The following TCF12 variants were observed in gnomAD, a reference collection of about 807,000 sequenced individuals.
TCF12 encodes the protein DNA-binding protein HTF4.
A neutral mutation model predicts 86.0 loss-of-function variants in TCF12; 45 were observed. The ratio of observed to expected loss-of-function variants is 0.52; its 90% confidence interval spans 0.41 to 0.67. TCF12 has a LOEUF of 0.67. Ranked by LOEUF, TCF12 falls within the 30% of genes least tolerant of loss-of-function variation. TCF12 has a pLI of 0.00. For missense variants in TCF12, 881 were observed against 859.9 expected, an observed-to-expected ratio of 1.02 and a Z score of -0.31; for synonymous variants, 330 against 299.6, an observed-to-expected ratio of 1.10 and a Z score of -1.05.
chr15:57,275,936 C>G (rs1238002741), intron 19 of TCF12, among the ~76,000 whole-genome samples: 1 of 152,156 alleles, frequency 6.6e-6, no homozygotes, highest in Non-Finnish European at 1.5e-5. Flanking sequence ...CCTGTCAAAC[C>G]CTAAGTCCCC....
intron 3 of TCF12, among the ~76,000 whole-genome samples, chr15:56,986,145 A>G (rs2063167770): frequency 6.6e-6 from 1 of 152,198 alleles, no homozygotes; most frequent in African/African-American, 2.4e-5. Context: ...CAGTTTTAAA[A>G]AGACATAGCA....
chr15:57,276,484 A>G (rs1234540602), intron 19 of TCF12, among the ~76,000 whole-genome samples: 4 of 152,250 alleles, frequency 2.6e-5, no homozygotes, highest in Admixed American at 1.3e-4. Flanking sequence ...TCGATGGAAT[A>G]GTGGTACTTA....
At chr15:56,991,672 A>G (rs1243012803) in intron 3 of TCF12, among the ~76,000 whole-genome samples, 6 of 152,212 alleles carry the variant, frequency 3.9e-5, no homozygotes, top group African/African-American at 1.2e-4. Context: ...ATAAGTTTTC[A>G]TGGCAAAACA....
intron 4 of TCF12, among the ~76,000 whole-genome samples, chr15:57,084,928 A>G (rs2048529896): frequency 1.3e-5 from 2 of 152,172 alleles, no homozygotes; most frequent in South Asian, 4.1e-4. Context: ...ATGTTTAGAT[A>G]TGTCACACTA....
In TCF12 at chr15:57,002,439, CAA is replaced by C. The variant is rs564891318; in HGVS notation, c.149-61309_149-61308del. On this transcript the variant is annotated intron_variant, in intron 3 of 20. Transcript: ENST00000333725. ...ATTTACTATATAAAGTCTATTAAAA[CAA>C]ATATTATCCACCTAACACATATATC... Among the ~76,000 whole-genome samples the C allele has an allele frequency of 1.4e-3, 211 of 151,198 alleles. 3 individuals carry two copies. Among genetic ancestry groups the C allele is most frequent in the African/African-American group, 4.9e-3 (197 of 40,522 alleles).
intron 20 of TCF12, among the ~76,000 whole-genome samples, chr15:57,284,321 C>T (rs1245377231): frequency 1.3e-5 from 2 of 152,050 alleles, no homozygotes; most frequent in Non-Finnish European, 2.9e-5. Context: ...AATTCTTCCA[C>T]CTCAGCCTCC....
rs1202074870 is a variant in TCF12 at position 56,962,606 on chromosome 15, C to T, written c.148+41508C>T. ...ATCAACAAAAAGCGAACCCAGACCA[C>T]CACAGTTCAAATAAGAGAAAATGCT... On this transcript the variant is annotated intron_variant, in intron 3 of 20. Transcript: ENST00000333725. Among the ~76,000 whole-genome samples, 7 of 152,256 alleles carry T rather than the reference C, an allele frequency of 4.6e-5. No individual in the cohort carries two copies. In the East Asian group the frequency reaches 1.3e-3, roughly 29 times the overall value.
chr15:57,137,958 T>C (rs1596750157), intron 5 of TCF12, among the ~76,000 whole-genome samples: 1 of 151,554 alleles, frequency 6.6e-6, no homozygotes, highest in African/African-American at 2.4e-5. Flanking sequence ...ACCCGGGAGG[T>C]AGAGGTTGCA....
At chr15:57,096,855 C>G (rs144121277) in intron 5 of TCF12, among the ~76,000 whole-genome samples, 66 of 152,220 alleles carry the variant, frequency 4.3e-4, no homozygotes, top group African/African-American at 1.6e-3. Context: ...TCTAATTGCT[C>G]AAGTATATTA....
At chr15:57,135,943 T>C (rs1322470539) in intron 5 of TCF12, among the ~76,000 whole-genome samples, 1 of 151,272 alleles carries the variant, frequency 6.6e-6, no homozygotes, top group Non-Finnish European at 1.5e-5. Flanking sequence ...TTTTTTTTCA[T>C]GAAATGGGCT....
At position 57,095,383 on chromosome 15, in the gene TCF12, T is replaced by C. The variant is rs376348379; in HGVS notation, c.325+3492T>C. ...CTTTACCTTTTGATAATTAGTCATATTTTTGATGATGGGAGGATCAGTTTA... is the reference window on the plus strand; with the variant it reads ...CTTTACCTTTTGATAATTAGTCATACTTTTGATGATGGGAGGATCAGTTTA... On this transcript the variant is annotated intron_variant, in intron 5 of 20. Transcript: ENST00000333725. Among the ~76,000 whole-genome samples, 112 of 152,320 alleles carry C rather than the reference T, an allele frequency of 7.4e-4. 1 individual carries two copies. In the South Asian group the frequency reaches 9.5e-3, roughly 13 times the overall value.
intron 6 of TCF12, among the ~76,000 whole-genome samples, chr15:57,182,043 A>C (rs1171041959): frequency 6.6e-6 from 1 of 152,206 alleles, no homozygotes; most frequent in South Asian, 2.1e-4. Context: ...TCAGAATACT[A>C]ATTCTTTCTT....
intron 3 of TCF12, among the ~76,000 whole-genome samples, chr15:56,946,495 T>C (rs746024499): frequency 1.3e-5 from 2 of 152,158 alleles, no homozygotes; most frequent in African/African-American, 2.4e-5. Flanking sequence ...TTTTAAGTCA[T>C]TGAGCAATTT....
At chr15:57,108,144 C>A (rs556993166) in intron 5 of TCF12, among the ~76,000 whole-genome samples, 1 of 151,986 alleles carries the variant, frequency 6.6e-6, no homozygotes, top group African/African-American at 2.4e-5. Flanking sequence ...TGAGAATATT[C>A]AAAAATCAAG....
At chr15:56,923,693 T>C (rs2140195269) in intron 3 of TCF12, among the ~76,000 whole-genome samples, 2 of 152,296 alleles carry the variant, frequency 1.3e-5, no homozygotes, top group East Asian at 3.9e-4. Context: ...GGTTTGAGTG[T>C]GTATGTCTAG....
intron 5 of TCF12, among the ~76,000 whole-genome samples, chr15:57,098,311 A>G (rs2049483576): frequency 6.6e-6 from 1 of 152,142 alleles, no homozygotes; most frequent in Non-Finnish European, 1.5e-5. Flanking sequence ...CTTGTGTTCA[A>G]CCATTTGTTT....
At chr15:57,174,457 A>G (rs2055761940) in intron 6 of TCF12, among the ~76,000 whole-genome samples, 1 of 152,232 alleles carries the variant, frequency 6.6e-6, no homozygotes, top group South Asian at 2.1e-4. Context: ...CTAACAGAAT[A>G]CTTAGTGATG....
intron 16 of TCF12, among the ~76,000 whole-genome samples, chr15:57,258,800 C>G (rs1365966767): frequency 6.6e-6 from 1 of 151,946 alleles, no homozygotes; most frequent in Non-Finnish European, 1.5e-5. Flanking sequence ...AATTTTAAAG[C>G]AATTAGAGAA....
At chr15:57,285,900 C>T (rs755757794) in intron 20 of TCF12, among the ~76,000 whole-genome samples, 9 of 152,028 alleles carry the variant, frequency 5.9e-5, no homozygotes, top group Non-Finnish European at 1.2e-4. Flanking sequence ...TGCGCTCCAG[C>T]GAGGGTGATA....
Sources: allele counts gnomAD v4.1 joint callset (sites outside exome capture counted in the v4.1 genomes callset), GRCh38; gene constraint gnomAD v4.1.1; transcripts MANE v1.5; gene names NCBI Gene and HGNC (gene_info 2026-07-23, HGNC 2026-07-21).